Variants in HECW2 observed in about 807,000 individuals in gnomAD.
HECW2 encodes the protein E3 ubiquitin-protein ligase HECW2.
HECW2 carries 61 observed loss-of-function variants against 175.2 expected under a neutral mutation model. That is an observed-to-expected ratio of 0.35 (90% CI 0.28 to 0.43). HECW2 has a LOEUF of 0.43. Ranked by LOEUF, HECW2 falls within the 20% of genes least tolerant of loss-of-function variation. The pLI is 1.00. For missense variants in HECW2, 1,524 were observed against 2,000.5 expected, an observed-to-expected ratio of 0.76 and a Z score of 4.54; for synonymous variants, 671 against 731.0, an observed-to-expected ratio of 0.92 and a Z score of 1.32.
intron 2 of HECW2, among the ~76,000 whole-genome samples, chr2:196,401,680 T>C (rs1694820653): frequency 6.6e-6 from 1 of 152,230 alleles, no homozygotes; most frequent in African/African-American, 2.4e-5. Context: ...AGGGTATATA[T>C]TCATCCTGTA....
chr2:196,349,774 G>C (rs182335951), intron 2 of HECW2, among the ~76,000 whole-genome samples: 3 of 152,244 alleles, frequency 2.0e-5, no homozygotes, highest in African/African-American at 7.2e-5. Context: ...AGAAATAGAA[G>C]ATTACAACAC....
chr2:196,329,912 T>C (rs1692295424), intron 4 of HECW2, among the ~76,000 whole-genome samples: 1 of 152,204 alleles, frequency 6.6e-6, no homozygotes, highest in Non-Finnish European at 1.5e-5. Flanking sequence ...TGTCTTTTTT[T>C]CCCTTTGATA....
chr2:196,419,713 T>C (rs1695357022), intron 2 of HECW2, among the ~76,000 whole-genome samples: 1 of 152,172 alleles, frequency 6.6e-6, no homozygotes, highest in Non-Finnish European at 1.5e-5. Flanking sequence ...ATGTGTGTAG[T>C]GGGGTGGCTA....
At chr2:196,371,540 G>C (rs558787749) in intron 2 of HECW2, among the ~76,000 whole-genome samples, 1 of 152,328 alleles carries the variant, frequency 6.6e-6, no homozygotes. Context: ...TATAATCTGA[G>C]ATAGGTCTAG....
intron 2 of HECW2, among the ~76,000 whole-genome samples, chr2:196,427,604 T>G (rs947644991): frequency 6.6e-6 from 1 of 152,156 alleles, no homozygotes; most frequent in Non-Finnish European, 1.5e-5. Flanking sequence ...GTTCTTTTTA[T>G]TTGGTGCACT....
At chr2:196,337,262 G>A (rs570301207) in intron 3 of HECW2, among the ~76,000 whole-genome samples, 4 of 151,936 alleles carry the variant, frequency 2.6e-5, no homozygotes, top group African/African-American at 9.7e-5. Flanking sequence ...GGTGCCCAGG[G>A]GCACAGGCTT....
intron 2 of HECW2, among the ~76,000 whole-genome samples, chr2:196,405,408 T>G (rs1467254183): frequency 6.6e-6 from 1 of 152,150 alleles, no homozygotes; most frequent in Non-Finnish European, 1.5e-5. Context: ...ATCACATGTC[T>G]ACCTCTCTCC....
In HECW2 at chr2:196,220,869, C is replaced by T. The variant is rs758350397; in HGVS notation, c.4219G>A (p.Glu1407Lys). The T allele has an allele frequency of 2.5e-6, 4 of 1,614,056 alleles. No homozygotes were observed. The highest frequency in any genetic ancestry group is 1.3e-5 in the African/African-American group (1 of 74,932). Residue 1407 changes from glutamate (E) to lysine (K), a missense_variant, in exon 25 of 29, where the codon GAG becomes AAG. By Grantham distance (56) the Glu-to-Lys change is moderately conservative (BLOSUM62 1). Coordinates refer to ENST00000644978, the MANE Select transcript of HECW2 (RefSeq NM_001348768.2). ...TCAATCCTCCACTTCACCATCCTCTCGATGTACTCCTTCTTGTTCTTCTCT... is the reference window on the plus strand; with the variant it reads ...TCAATCCTCCACTTCACCATCCTCTTGATGTACTCCTTCTTGTTCTTCTCT... ...VTEKNKKEYI[E>K]RMVKWRIERG...
At chr2:196,324,904 CAA>C in intron 6 of HECW2, 74 bp downstream of exon 6, 1 of 1,266,152 alleles carries the variant, frequency 7.9e-7, no homozygotes, top group Non-Finnish European at 1.1e-6. Flanking sequence ...CTGAGGGATG[CAA>C]AAGTCTCAAG....
chr2:196,399,242 G>T (rs561120281), intron 2 of HECW2, among the ~76,000 whole-genome samples: 2 of 131,414 alleles, frequency 1.5e-5, no homozygotes, highest in East Asian at 5.4e-4. Context: ...CCAAGGATTT[G>T]AAGAAGGGGA....
At chr2:196,243,357 T>C (rs941142045) in intron 19 of HECW2, among the ~76,000 whole-genome samples, 2 of 151,378 alleles carry the variant, frequency 1.3e-5, no homozygotes, top group African/African-American at 2.4e-5. Context: ...AGTAGGGTCA[T>C]GGTTTCTCCA....
chr2:196,381,379 C>G (rs183470239), intron 2 of HECW2, among the ~76,000 whole-genome samples: 2 of 152,118 alleles, frequency 1.3e-5, no homozygotes, highest in African/African-American at 4.8e-5. Context: ...TGCTTTGGTG[C>G]CTTAGCTGTT....
intron 21 of HECW2, among the ~76,000 whole-genome samples, chr2:196,237,100 C>G (rs1194556138): frequency 6.6e-6 from 1 of 152,172 alleles, no homozygotes; most frequent in South Asian, 2.1e-4. Flanking sequence ...TACCCCAGAC[C>G]TACAGCAGTT....
At position 196,242,080 on chromosome 2, in the gene HECW2, T is replaced by A. The variant is rs1688478182; in HGVS notation, c.3650+4A>T. 1 of 1,613,840 alleles carries A rather than the reference T, an allele frequency of 6.2e-7. No individual in the cohort carries two copies. Among genetic ancestry groups the A allele is most frequent in the Non-Finnish European group, 8.5e-7 (1 of 1,179,824 alleles). ...ATTATGTGGTTTGTGTCACTTTGAC[T>A]TACTTTAACTTCCCTGGGCCTTGTC... is the stretch of plus-strand genomic sequence containing the variant. On this transcript the variant is annotated splice_donor_region_variant and intron_variant, in intron 20 of 28. Coordinates refer to ENST00000644978, the MANE Select transcript of HECW2 (RefSeq NM_001348768.2).
At chr2:196,573,876 A>C (rs138932162) in intron 1 of HECW2, among the ~76,000 whole-genome samples, 7,110 of 152,210 alleles carry the variant, frequency 0.047, 189 homozygotes, top group Middle Eastern at 0.11. Flanking sequence ...ACAACAAAAA[A>C]AAAACAGTGA....
At chr2:196,453,611 A>G (rs182330259) in intron 1 of HECW2, among the ~76,000 whole-genome samples, 1 of 152,342 alleles carries the variant, frequency 6.6e-6, no homozygotes, top group South Asian at 2.1e-4. Flanking sequence ...GCAGCTTAAA[A>G]TATCATCTGC....
chr2:196,495,540 T>C (rs1463445906), intron 1 of HECW2, among the ~76,000 whole-genome samples: 2 of 152,088 alleles, frequency 1.3e-5, no homozygotes, highest in Non-Finnish European at 2.9e-5. Context: ...GGGAAGAACT[T>C]CTATATAAAC....
At chr2:196,314,483 T>G (rs998689274) in intron 10 of HECW2, among the ~76,000 whole-genome samples, 1 of 152,220 alleles carries the variant, frequency 6.6e-6, no homozygotes, top group Admixed American at 6.5e-5. Context: ...GAATACCTGA[T>G]AGAGGAGAGG....
chr2:196,211,854 T>C (rs915627730), intron 28 of HECW2, among the ~76,000 whole-genome samples: 15 of 152,120 alleles, frequency 9.9e-5, no homozygotes, highest in African/African-American at 3.6e-4. Context: ...TCTTTTTTTT[T>C]CTTTTTGAGA....
Sources: allele counts gnomAD v4.1 joint callset (sites outside exome capture counted in the v4.1 genomes callset), GRCh38; gene constraint gnomAD v4.1.1; transcripts MANE v1.5; gene names NCBI Gene and HGNC (gene_info 2026-07-23, HGNC 2026-07-21).